EXT1: variants seen among roughly 807,000 people sequenced by gnomAD.
EXT1 encodes the protein exostosin glycosyltransferase 1, also known as exostosin-1.
A neutral mutation model predicts 82.5 loss-of-function variants in EXT1; 20 were observed. That is an observed-to-expected ratio of 0.24 (90% CI 0.17 to 0.35). The LOEUF (loss-of-function observed/expected upper bound fraction) is 0.35. Among genes scored for constraint, EXT1 ranks in the 10% least tolerant of loss-of-function variants. The pLI, the probability that EXT1 is intolerant of heterozygous loss-of-function variation, is 1.00. For synonymous variants in EXT1, 348 were observed against 350.8 expected (o/e 0.99, Z 0.09); for missense variants, 757 against 936.5 (o/e 0.81, Z 2.50).
At chr8:118,005,425 A>C (rs1005020264) in intron 1 of EXT1, among the ~76,000 whole-genome samples, 14 of 152,216 alleles carry the variant, frequency 9.2e-5, no homozygotes, top group African/African-American at 3.4e-4. Flanking sequence ...ACAGCAAAAC[A>C]AAACAGCAGC....
At chr8:117,925,436 A>G (rs1191864731) in intron 1 of EXT1, among the ~76,000 whole-genome samples, 3 of 152,110 alleles carry the variant, frequency 2.0e-5, no homozygotes, top group Non-Finnish European at 2.9e-5. Flanking sequence ...GCAGAAGTAC[A>G]TGGAGAAAAG....
intron 1 of EXT1, among the ~76,000 whole-genome samples, chr8:118,106,032 C>T (rs1050479716): frequency 6.6e-6 from 1 of 152,192 alleles, no homozygotes; most frequent in African/African-American, 2.4e-5. Context: ...AACAGCTCCA[C>T]AGACCTACCC....
At chr8:117,871,968 T>TA (rs552366765) in intron 1 of EXT1, among the ~76,000 whole-genome samples, 11 of 151,552 alleles carry the variant, frequency 7.3e-5, no homozygotes, top group Admixed American at 2.6e-4. Context: ...CTGCTAAAAA[T>TA]AAAAAAAATA....
intron 10 of EXT1, among the ~76,000 whole-genome samples, chr8:117,800,790 G>A (rs1024350084): frequency 2.6e-5 from 4 of 152,190 alleles, no homozygotes; most frequent in African/African-American, 9.6e-5. Context: ...TCTCTGTGTT[G>A]CCCCTAAAGT....
In EXT1 at chr8:118,110,165, G is replaced by A; in HGVS notation, c.882C>T (p.Leu294=). 1.9e-6 allele frequency: 3 copies of A among 1,614,164 alleles called. No individual in the cohort carries two copies. The highest frequency in any genetic ancestry group is 2.5e-6 in the Non-Finnish European group (3 of 1,180,034). Reference sequence around the variant, plus strand: ...CTTTGCCATGCTTGCAGGTGGTGAGGAGCACAACGTCCTCCCCGTTATGGA... The same window carrying A: ...CTTTGCCATGCTTGCAGGTGGTGAGAAGCACAACGTCCTCCCCGTTATGGA... ...YHVHNGEDVV[L]LTTCKHGKDW... The change falls in exon 1 of 11, where the codon CTC becomes CTT. Residue 294 remains leucine, a synonymous_variant. Transcript: ENST00000378204.
chr8:117,871,402 T>C (rs1812868016), intron 1 of EXT1, among the ~76,000 whole-genome samples: 2 of 152,230 alleles, frequency 1.3e-5, no homozygotes, highest in African/African-American at 4.8e-5. Context: ...GAAGACTTTA[T>C]CCTCATCCCC....
intron 1 of EXT1, among the ~76,000 whole-genome samples, chr8:117,991,537 C>T (rs538464832): frequency 6.6e-6 from 1 of 152,032 alleles, no homozygotes; most frequent in African/African-American, 2.4e-5. Flanking sequence ...GGCAACTACC[C>T]TACTGGAGTT....
intron 1 of EXT1, among the ~76,000 whole-genome samples, chr8:117,956,894 C>T (rs1814597380): frequency 6.6e-6 from 1 of 152,088 alleles, no homozygotes; most frequent in South Asian, 2.1e-4. Context: ...CACAAGATAC[C>T]CGCCTCCGTG....
At chr8:117,871,443 C>T (rs147583206) in intron 1 of EXT1, among the ~76,000 whole-genome samples, 58 of 152,354 alleles carry the variant, frequency 3.8e-4, no homozygotes, top group Non-Finnish European at 2.1e-4. Context: ...TCTGTTTCAG[C>T]TCAGTCCCCT....
chr8:117,908,036 T>C (rs911852716), intron 1 of EXT1, among the ~76,000 whole-genome samples: 1 of 152,222 alleles, frequency 6.6e-6, no homozygotes. Context: ...TTAAATAGGA[T>C]CTAAAGTTTA....
At chr8:117,978,526 A>G (rs1489665052) in intron 1 of EXT1, among the ~76,000 whole-genome samples, 1 of 152,224 alleles carries the variant, frequency 6.6e-6, no homozygotes, top group Non-Finnish European at 1.5e-5. Flanking sequence ...TAATGAAAAA[A>G]AAAAGACTGG....
chr8:117,877,464 T>C (rs1335345495), intron 1 of EXT1, among the ~76,000 whole-genome samples: 1 of 152,178 alleles, frequency 6.6e-6, no homozygotes, highest in Non-Finnish European at 1.5e-5. Context: ...AAAAAAATAA[T>C]TAGGTCCCAA....
chr8:117,809,209 G>GTATAAATATATATATATATATATATATA (rs1471755255), intron 8 of EXT1, among the ~76,000 whole-genome samples: 22 of 86,024 alleles, frequency 2.6e-4, no homozygotes, highest in African/African-American at 3.7e-4. Flanking sequence ...ATATGTGTGT[G>GTATAAATATATATATATATATATATATA]TGTGTATAAA....
At chr8:117,849,418 C>T (rs994178908) in intron 1 of EXT1, among the ~76,000 whole-genome samples, 2 of 152,160 alleles carry the variant, frequency 1.3e-5, no homozygotes, top group African/African-American at 4.8e-5. Context: ...ATTTGTTGAA[C>T]CTATGTCAGA....
At chr8:117,996,780 G>A (rs1815544864) in intron 1 of EXT1, among the ~76,000 whole-genome samples, 1 of 152,150 alleles carries the variant, frequency 6.6e-6, no homozygotes, top group Non-Finnish European at 1.5e-5. Flanking sequence ...ACAGGCAGAG[G>A]ACAAACAGAA....
chr8:117,963,516 G>C (rs1814745087), intron 1 of EXT1, among the ~76,000 whole-genome samples: 1 of 151,764 alleles, frequency 6.6e-6, no homozygotes, highest in African/African-American at 2.4e-5. Flanking sequence ...TTTGAGACAG[G>C]GTCTCACTCA....
intron 1 of EXT1, among the ~76,000 whole-genome samples, chr8:118,008,710 T>C (rs1221175882): frequency 6.6e-6 from 1 of 152,168 alleles, no homozygotes; most frequent in Non-Finnish European, 1.5e-5. Flanking sequence ...ACACATTGAT[T>C]ACATTGTTTC....
At chr8:117,890,981 T>G (rs1813232237) in intron 1 of EXT1, among the ~76,000 whole-genome samples, 1 of 152,210 alleles carries the variant, frequency 6.6e-6, no homozygotes, top group South Asian at 2.1e-4. Flanking sequence ...AGTGCCATGC[T>G]ATACACCCCC....
At chr8:117,994,933 C>G (rs1586331513) in intron 1 of EXT1, among the ~76,000 whole-genome samples, 1 of 152,270 alleles carries the variant, frequency 6.6e-6, no homozygotes, top group East Asian at 1.9e-4. Context: ...TAATTTGCAA[C>G]TGAGTAAATT....
Sources: allele counts gnomAD v4.1 joint callset (sites outside exome capture counted in the v4.1 genomes callset), GRCh38; gene constraint gnomAD v4.1.1; transcripts MANE v1.5; gene names NCBI Gene and HGNC (gene_info 2026-07-23, HGNC 2026-07-21).